Variants in TBX22 observed in about 807,000 individuals in gnomAD.
The protein encoded by TBX22 is T-box transcription factor 22.
A neutral mutation model predicts 30.1 loss-of-function variants in TBX22; 8 were observed. The ratio of observed to expected loss-of-function variants is 0.27; its 90% CI spans 0.16 to 0.48. The LOEUF is 0.48. Among genes scored for constraint, TBX22 ranks in the 20% least tolerant of loss-of-function variants. The pLI is 0.99. For synonymous variants in TBX22, 173 were observed against 149.1 expected, an observed-to-expected ratio of 1.16 and a Z score of -1.17; for missense variants, 463 against 400.5, an observed-to-expected ratio of 1.16 and a Z score of -1.33.
At chrX:80,026,467 G>A (rs974059384) in intron 5 of TBX22, among the ~76,000 whole-genome samples, 1 of 111,985 alleles carries the variant, frequency 8.9e-6, no homozygotes, top group Non-Finnish European at 1.9e-5. Context: ...GTTTGAAGCA[G>A]GAAAAGGCCC....
intron 4 of TBX22, among the ~76,000 whole-genome samples, chrX:80,025,367 C>G (rs1923919387): frequency 8.9e-6 from 1 of 112,232 alleles, no homozygotes; most frequent in Non-Finnish European, 1.9e-5. Context: ...AAATACAAAT[C>G]AGACTTAGAA....
chrX:80,024,518 G>A (rs2147595088), intron 4 of TBX22, among the ~76,000 whole-genome samples: 1 of 110,540 alleles, frequency 9.0e-6, no homozygotes, highest in East Asian at 2.9e-4. Flanking sequence ...GAAGCGGGTT[G>A]AAGGAATTGT....
chrX:80,029,973 C>T (rs747453995), intron 8 of TBX22, among the ~76,000 whole-genome samples: 1 of 111,564 alleles, frequency 9.0e-6, no homozygotes, highest in South Asian at 3.7e-4. Context: ...GGTCCCCAAC[C>T]TTTTTGGTAC....
chrX:80,024,628 T>C, intron 4 of TBX22, among the ~76,000 whole-genome samples: 1 of 111,803 alleles, frequency 8.9e-6, no homozygotes, highest in East Asian at 2.8e-4. Flanking sequence ...GGATGATCAA[T>C]TTGCCACTCA....
In TBX22 at chrX:80,031,560, G is replaced by A. The variant is rs1035083323; in HGVS notation, c.*449G>A. 8.2e-6 allele frequency: 1 copy of A among 121,851 alleles called. No individual in the cohort carries two copies. The highest frequency in any genetic ancestry group is 1.7e-5 in the Non-Finnish European group (1 of 59,229). The allele number at this position is 121,851 out of a possible 1,213,427, so 10.0% of individuals were successfully genotyped here. On this transcript the variant is annotated 3_prime_UTR_variant, in exon 9 of 9. Transcript: ENST00000373296. The stretch of plus-strand genomic sequence containing the variant: ...GCTTTCATGTAATTATCTAGTAGTT[G>A]TAGAAGAAAATTTAATTATTTGTTT...
At chrX:80,022,767 C>A (rs941468669) in intron 2 of TBX22, 772 of 407,969 alleles carry the variant, frequency 1.9e-3, no homozygotes, top group Non-Finnish European at 2.6e-3. Flanking sequence ...ATCCCGAGGG[C>A]ATCCAGTCTC....
At position 80,027,978 on chromosome X, in the gene TBX22, C is replaced by T. The variant is rs1307412231; in HGVS notation, c.864-13C>T. On this transcript the variant is annotated splice_polypyrimidine_tract_variant and intron_variant, in intron 7 of 8. Transcript: ENST00000373296. ...GCATTCTGGGGATGCTGAAAGTTGA[C>T]TCTCTTTTTTAGGGGTGTATTGGAT... is the stretch of plus-strand genomic sequence containing the variant. The T allele has an allele frequency of 5.1e-6, 6 of 1,178,990 alleles. No individual in the cohort carries two copies. In the African/African-American group the frequency reaches 5.3e-5, roughly 10 times the overall value.
At chrX:80,024,726 A>G (rs2147595742) in intron 4 of TBX22, among the ~76,000 whole-genome samples, 1 of 111,939 alleles carries the variant, frequency 8.9e-6, no homozygotes, top group Admixed American at 9.5e-5. Context: ...CTTAGAGGGT[A>G]CAAGTATCAT....
At position 80,020,288 on chromosome X, in the gene TBX22, AT is replaced by A. The variant is rs759667743; in HGVS notation, c.-2-1978del. Among the ~76,000 whole-genome samples the A allele has an allele frequency of 4.6e-4, 24 of 51,839 alleles. No individual in the cohort carries two copies. The East Asian group carries it at 0.021, about 46-fold the overall frequency. 45.0% of individuals were successfully genotyped at this position (51,839 alleles called of 115,157 possible). ...ATAAAATATAGATAGATAGAGATAG[AT>A]TAGATAGATAGATAGATAGATAGAT... is the stretch of plus-strand genomic sequence containing the variant. On this transcript the variant is annotated intron_variant, in intron 1 of 8. Transcript: ENST00000373296.
chrX:80,026,572 G>T, intron 5 of TBX22, 132 bp from the exon 6 acceptor site: 3 of 694,210 alleles, frequency 4.3e-6, no homozygotes, highest in Non-Finnish European at 4.5e-6. Context: ...GAGGCCAAAT[G>T]GCACAACAAA....
intron 1 of TBX22, among the ~76,000 whole-genome samples, chrX:80,016,542 CT>C (rs752636122): frequency 0.012 from 1,317 of 111,620 alleles, 21 homozygotes; most frequent in African/African-American, 0.04. Context: ...CTTGGCATAT[CT>C]CCGTTCAAGT....
intron 2 of TBX22, 159 bp downstream of exon 2, chrX:80,022,603 C>G: frequency 1.9e-6 from 1 of 531,791 alleles, no homozygotes; most frequent in Non-Finnish European, 3.2e-6. Flanking sequence ...CGAATCCATC[C>G]CGGAGTACAG....
At chrX:80,026,552 G>A (rs956501734) in intron 5 of TBX22, 152 bp from the exon 6 acceptor site, 35 of 555,841 alleles carry the variant, frequency 6.3e-5, no homozygotes, top group East Asian at 1.0e-4. Context: ...AGCTCGGAGC[G>A]CCTCTGTTGG....
intron 1 of TBX22, among the ~76,000 whole-genome samples, chrX:80,022,018 TA>T (rs1324518473): frequency 1.1e-4 from 10 of 91,631 alleles, no homozygotes; most frequent in African/African-American, 4.3e-4. Flanking sequence ...TATATGTATA[TA>T]AAAAAATTAC....
At chrX:80,030,318 T>C (rs951914944) in intron 8 of TBX22, among the ~76,000 whole-genome samples, 180 bp from the exon 9 acceptor site, 7 of 112,037 alleles carry the variant, frequency 6.2e-5, no homozygotes, top group African/African-American at 2.3e-4. Flanking sequence ...GTATAGATAC[T>C]ATATTCAACT....
Position 80,031,172 on chromosome X carries a change from A to G in TBX22, c.*61A>G. ...ACAAATATTTTCTTTATTTGTAGCCAAAGAAATTTCAACAGTTATTGGGCT... is the reference window on the plus strand; with the variant it reads ...ACAAATATTTTCTTTATTTGTAGCCGAAGAAATTTCAACAGTTATTGGGCT... On this transcript the variant is annotated 3_prime_UTR_variant, in exon 9 of 9. Coordinates refer to ENST00000373296, the MANE Select transcript of TBX22 (RefSeq NM_001109878.2). 1 of 1,096,380 alleles carries G rather than the reference A, an allele frequency of 9.1e-7. No homozygotes were observed. The highest frequency in any genetic ancestry group is 1.2e-6 in the Non-Finnish European group (1 of 807,368). 90.4% of individuals were successfully genotyped at this position (1,096,380 alleles called of 1,213,427 possible). A position where few individuals can be genotyped will look rare whatever the true frequency, so the allele number is the denominator to read the frequency against.
At chrX:80,016,034 G>C (rs190454882) in intron 1 of TBX22, among the ~76,000 whole-genome samples, 1 of 111,078 alleles carries the variant, frequency 9.0e-6, no homozygotes, top group Admixed American at 9.6e-5. Context: ...GCCTATATTT[G>C]GTGTTTTGAT....
intron 4 of TBX22, 121 bp from the exon 5 acceptor site, chrX:80,025,482 T>A: frequency 1.7e-6 from 1 of 579,163 alleles, no homozygotes; most frequent in Non-Finnish European, 3.0e-6. Context: ...TTAAGTTGAG[T>A]CTTCTCCTTA....
At chrX:80,028,501 C>T (rs1413249404) in intron 8 of TBX22, among the ~76,000 whole-genome samples, 1 of 111,827 alleles carries the variant, frequency 8.9e-6, no homozygotes, top group Non-Finnish European at 1.9e-5. Flanking sequence ...TTAAATTCAT[C>T]ACTGAGCTCT....
Sources: allele counts gnomAD v4.1 joint callset (sites outside exome capture counted in the v4.1 genomes callset), GRCh38; gene constraint gnomAD v4.1.1; transcripts MANE v1.5; gene names NCBI Gene and HGNC (gene_info 2026-07-23, HGNC 2026-07-21).